The following IQCK variants were observed in gnomAD, a reference collection of about 807,000 sequenced individuals.
The protein encoded by IQCK is IQ domain-containing protein K.
Under a neutral mutation model 28.1 loss-of-function variants are expected in IQCK, and 29 were observed. The observed-to-expected ratio is 1.03, with a 90% CI of 0.77 to 1.41. IQCK has a LOEUF of 1.41. Among genes scored for constraint, IQCK ranks in the 40% most tolerant of loss-of-function variants. The probability of loss-of-function intolerance (pLI) is 0.00; values close to 1 mark genes in which losing one functional copy is unlikely to be tolerated. For synonymous variants in IQCK, 113 were observed against 115.1 expected (o/e 0.98, Z 0.12); for missense variants, 359 against 314.7 (o/e 1.14, Z -1.07).
At chr16:19,803,728 C>T (rs1431283763) in intron 7 of IQCK, among the ~76,000 whole-genome samples, 1 of 152,150 alleles carries the variant, frequency 6.6e-6, no homozygotes, top group Non-Finnish European at 1.5e-5. Flanking sequence ...TCATAGCTCA[C>T]TACGGACTTG....
At chr16:19,721,679 A>G (rs1395065508) in intron 1 of IQCK, among the ~76,000 whole-genome samples, 1 of 150,308 alleles carries the variant, frequency 6.7e-6, no homozygotes, top group African/African-American at 2.4e-5. Context: ...TCTGCCTCCC[A>G]GATTCAAGCA....
chr16:19,764,936 T>C, intron 6 of IQCK, among the ~76,000 whole-genome samples: 1 of 135,732 alleles, frequency 7.4e-6, no homozygotes, highest in South Asian at 2.7e-4. Flanking sequence ...CCTGACCTCG[T>C]GATCCGCCCA....
chr16:19,756,868 G>A (rs1338898423), intron 4 of IQCK, among the ~76,000 whole-genome samples: 1 of 145,124 alleles, frequency 6.9e-6, no homozygotes, highest in Non-Finnish European at 1.5e-5. Context: ...CTGCACTCCA[G>A]CCTGGACAAC....
At chr16:19,751,416 T>G (rs2054985180) in intron 4 of IQCK, among the ~76,000 whole-genome samples, 1 of 152,060 alleles carries the variant, frequency 6.6e-6, no homozygotes, top group Non-Finnish European at 1.5e-5. Flanking sequence ...AGTTTGAGGC[T>G]GCAGTGAGCT....
intron 7 of IQCK, among the ~76,000 whole-genome samples, chr16:19,789,424 A>C (rs2055591252): frequency 2.3e-5 from 2 of 88,370 alleles, no homozygotes; most frequent in South Asian, 8.1e-4. Flanking sequence ...AAAAAAAAAA[A>C]AAAAAAAAAA....
intron 7 of IQCK, among the ~76,000 whole-genome samples, chr16:19,814,666 C>T (rs2055959301): frequency 6.6e-6 from 1 of 151,680 alleles, no homozygotes; most frequent in Non-Finnish European, 1.5e-5. Flanking sequence ...CCCAGAATGG[C>T]TGAAAATAAT....
At chr16:19,828,993 A>ATT (rs2056193212), downstream of IQCK, among the ~76,000 whole-genome samples, 2 of 144,048 alleles carry the variant, frequency 1.4e-5, no homozygotes, top group Non-Finnish European at 3.0e-5. Flanking sequence ...TATATAATTA[A>ATT]ATATATATAA....
intron 7 of IQCK, among the ~76,000 whole-genome samples, chr16:19,814,055 T>C (rs1013854372): frequency 4.6e-4 from 69 of 151,592 alleles, no homozygotes; most frequent in Non-Finnish European, 2.6e-4. Context: ...CTGTCTCTAC[T>C]AAAAATACAA....
exon 1 of IQCK, chr16:19,718,365 C>G (rs760178547): frequency 1.2e-6 from 2 of 1,609,648 alleles, no homozygotes; most frequent in Non-Finnish European, 1.7e-6. Context: ...AGCTGCTCTA[C>G]AGACTCGTCG....
rs2056136849 is a variant in IQCK, at chr16:19,825,530, A to AAAATGT, written c.691-1492_691-1487dup. On this transcript the variant is annotated intron_variant, in intron 7 of 7. Coordinates refer to ENST00000564186, the Ensembl canonical transcript of IQCK. This position sits in a 1 kb window ranked among gnomAD's most constrained non-coding sequence, Gnocchi z 4.2. ...AACGAAACTCCATCTCAAAAAAAAA[A>AAAATGT]AAATGTAAAATATTTGGCCAGGCAC... 6.6e-6 allele frequency among the ~76,000 whole-genome samples: 1 copy of AAAATGT among 151,908 alleles called. No individual in the cohort carries two copies. The highest frequency in any genetic ancestry group is 1.5e-5 in the Non-Finnish European group (1 of 67,982).
chr16:19,797,630 CA>C (rs1192607152), intron 7 of IQCK, among the ~76,000 whole-genome samples: 1 of 128,254 alleles, frequency 7.8e-6, no homozygotes, highest in East Asian at 2.2e-4. Flanking sequence ...AAAAAAAAAA[CA>C]AAAAAACCAA....
chr16:19,753,168 C>G (rs1273500549), intron 4 of IQCK, among the ~76,000 whole-genome samples: 1 of 151,442 alleles, frequency 6.6e-6, no homozygotes, highest in African/African-American at 2.4e-5. Context: ...TAATCCCAGA[C>G]ATTTCGAGAT....
At chr16:19,813,230 C>T (rs576973320) in intron 7 of IQCK, among the ~76,000 whole-genome samples, 3 of 152,226 alleles carry the variant, frequency 2.0e-5, no homozygotes, top group African/African-American at 7.2e-5. Flanking sequence ...TGAGAAGGTC[C>T]AACCTAAGTC....
At chr16:19,820,915 A>C (rs2056063576) in intron 7 of IQCK, among the ~76,000 whole-genome samples, 1 of 152,240 alleles carries the variant, frequency 6.6e-6, no homozygotes, top group Non-Finnish European at 1.5e-5. Context: ...GGCCTTGAAT[A>C]GACATTTCTC....
chr16:19,719,480 A>C (rs1206526776), intron 1 of IQCK, among the ~76,000 whole-genome samples: 2 of 151,086 alleles, frequency 1.3e-5, no homozygotes, highest in Non-Finnish European at 2.9e-5. Flanking sequence ...AATCTCAGCT[A>C]CTTGGGAGGC....
chr16:19,764,049 G>A (rs745390882), exon 6 of IQCK: 1 of 1,614,050 alleles, frequency 6.2e-7, no homozygotes, highest in East Asian at 2.2e-5. Context: ...AATCCAAAGA[G>A]GGCAGGGGAG....
At chr16:19,852,363 T>C (rs2056493640) in intron 9 of IQCK, among the ~76,000 whole-genome samples, 1 of 152,106 alleles carries the variant, frequency 6.6e-6, no homozygotes, top group Non-Finnish European at 1.5e-5. Flanking sequence ...ATCGCACCAC[T>C]GCACTCCAGC....
rs370447914 is a variant in IQCK, at chr16:19,817,276, A to G, written c.691-9750A>G. Among the ~76,000 whole-genome samples the G allele has an allele frequency of 5.9e-5, 9 of 152,310 alleles. No homozygotes were observed. In the South Asian group the frequency reaches 8.3e-4, roughly 14 times the overall value. ...GAAATTGTTTATGTGTTAAACATTAAACTGCATTCCATGGTATTTGCTGAT... is the reference window on the plus strand; with the variant it reads ...GAAATTGTTTATGTGTTAAACATTAGACTGCATTCCATGGTATTTGCTGAT... On this transcript the variant is annotated intron_variant, in intron 7 of 7. Coordinates refer to ENST00000564186, the Ensembl canonical transcript of IQCK.
chr16:19,810,930 A>G (rs2055897086), intron 7 of IQCK, among the ~76,000 whole-genome samples: 1 of 152,248 alleles, frequency 6.6e-6, no homozygotes, highest in African/African-American at 2.4e-5. Flanking sequence ...TAATGAAAGT[A>G]CTACGTAAAA....
Sources: gnomAD v4.1 joint callset for allele counts (sites outside exome capture counted in the v4.1 genomes callset) on GRCh38, gnomAD v4.1.1 for gene constraint, Gnocchi (gnomAD v3.1) non-coding constraint, MANE v1.5 for transcripts, NCBI Gene and HGNC (gene_info 2026-07-23, HGNC 2026-07-21) for gene names.